Variants in NPAS2 observed in about 807,000 individuals in gnomAD.
NPAS2 encodes neuronal PAS domain-containing protein 2.
A neutral mutation model predicts 107.5 loss-of-function variants in NPAS2; 23 were observed. The ratio of observed to expected loss-of-function variants is 0.21; its 90% CI spans 0.15 to 0.30. NPAS2 has a LOEUF of 0.30. Among genes scored for constraint, NPAS2 ranks in the 10% least tolerant of loss-of-function variants. NPAS2 has a pLI of 1.00. For missense variants in NPAS2, 756 were observed against 1,043.3 expected (o/e 0.72, Z 3.79); for synonymous variants, 403 against 417.5 (o/e 0.97, Z 0.42).
intron 16 of NPAS2, chr2:100,982,711 T>C (rs1169889247): frequency 1.0e-5 from 3 of 291,744 alleles, no homozygotes; most frequent in Non-Finnish European, 1.9e-5. Flanking sequence ...AGTACCTCCC[T>C]GCACCTCTAT....
intron 15 of NPAS2, among the ~76,000 whole-genome samples, chr2:100,978,488 G>A (rs1461222959): frequency 3.9e-5 from 6 of 152,024 alleles, no homozygotes; most frequent in South Asian, 4.2e-4. Context: ...TCTAAAAGCC[G>A]TGAGTCCAGC....
intron 5 of NPAS2, among the ~76,000 whole-genome samples, chr2:100,942,887 G>A (rs939832268): frequency 1.3e-5 from 2 of 152,184 alleles, no homozygotes; most frequent in East Asian, 1.9e-4. Flanking sequence ...TTTGTGCTTC[G>A]CATCTGCCTC....
At chr2:100,891,244 AAAG>A (rs1032297329) in intron 1 of NPAS2, among the ~76,000 whole-genome samples, 4 of 151,904 alleles carry the variant, frequency 2.6e-5, no homozygotes, top group Non-Finnish European at 4.4e-5. Context: ...AAAAAAAAAA[AAAG>A]AAGTGAGGAT....
chr2:100,909,777 T>C (rs1656306), intron 2 of NPAS2, among the ~76,000 whole-genome samples: 130,117 of 151,630 alleles, frequency 0.86, 55,959 homozygotes, highest in East Asian at 1. Context: ...GCAGGCATTG[T>C]GAGAACGCAG....
At position 100,820,375 on chromosome 2, in the gene NPAS2, C is replaced by T. The variant is rs1000199911; in HGVS notation, c.-62C>T. ...GGGAGGCGCGTCTCCCCGGCCCAGT[C>T]CGCGCCCGGCCCCGCGGGGCCGCTC... On this transcript the variant is annotated 5_prime_UTR_variant, in exon 1 of 21. Transcript: ENST00000335681. The surrounding 1 kb of genome is among the most constrained non-coding windows in gnomAD (Gnocchi z 5.6). 1 of 149,332 alleles carries T rather than the reference C, an allele frequency of 6.7e-6. No homozygotes were observed. Among genetic ancestry groups the T allele is most frequent in the African/African-American group, 2.4e-5 (1 of 41,038 alleles). The allele number at this position is 149,332 out of a possible 1,614,324, so 9.3% of individuals were successfully genotyped here.
chr2:100,861,028 C>G (rs1678909433), intron 1 of NPAS2, among the ~76,000 whole-genome samples: 1 of 150,138 alleles, frequency 6.7e-6, no homozygotes, highest in East Asian at 1.9e-4. Flanking sequence ...ACCACCACCC[C>G]CAGCTAATTT....
At chr2:100,827,365 A>C (rs1558784215) in intron 1 of NPAS2, among the ~76,000 whole-genome samples, 1 of 152,284 alleles carries the variant, frequency 6.6e-6, no homozygotes, top group Non-Finnish European at 1.5e-5. Context: ...CTGAAAAGTA[A>C]ATTTGCTGTA....
At chr2:100,869,792 C>G (rs976877015) in intron 1 of NPAS2, among the ~76,000 whole-genome samples, 1 of 152,082 alleles carries the variant, frequency 6.6e-6, no homozygotes, top group African/African-American at 2.4e-5. Flanking sequence ...CACACAATAT[C>G]AAAAAGGCTT....
At chr2:100,897,247 G>A (rs1323163579) in intron 1 of NPAS2, among the ~76,000 whole-genome samples, 1 of 151,996 alleles carries the variant, frequency 6.6e-6, no homozygotes, top group Non-Finnish European at 1.5e-5. Context: ...GATTTCAGTG[G>A]GGACACAGCC....
chr2:100,925,390 C>A, intron 3 of NPAS2, 96 bp downstream of exon 3: 1 of 1,263,814 alleles, frequency 7.9e-7, no homozygotes. Context: ...TTTTGTCTCC[C>A]CAGCCAGGCC....
At position 100,917,764 on chromosome 2, in the gene NPAS2, G is replaced by C. The variant is rs78429068; in HGVS notation, c.33-7382G>C. On this transcript the variant is annotated intron_variant, in intron 2 of 20. Coordinates refer to ENST00000335681, the MANE Select transcript of NPAS2 (RefSeq NM_002518.4). ...ACTACCAAACTCACAAAAGATGAAC[G>C]AGAAAACCTAGAGTCCTATAACTAA... Among the ~76,000 whole-genome samples, 249 of 152,194 alleles carry C rather than the reference G, an allele frequency of 1.6e-3. 5 individuals carry two copies. The East Asian group carries it at 0.031, about 19-fold the overall frequency.
At chr2:100,929,361 A>G (rs1254406089) in intron 3 of NPAS2, among the ~76,000 whole-genome samples, 1 of 152,214 alleles carries the variant, frequency 6.6e-6, no homozygotes, top group Non-Finnish European at 1.5e-5. Flanking sequence ...CTGCTCCACA[A>G]GGGGTGATCT....
intron 14 of NPAS2, among the ~76,000 whole-genome samples, chr2:100,975,977 A>C (rs1261254109): frequency 6.6e-6 from 1 of 152,170 alleles, no homozygotes; most frequent in Non-Finnish European, 1.5e-5. Flanking sequence ...TAGCGTCCCC[A>C]ACATGTGCCA....
intron 1 of NPAS2, among the ~76,000 whole-genome samples, chr2:100,853,284 G>T (rs761339756): frequency 6.6e-6 from 1 of 152,124 alleles, no homozygotes; most frequent in Non-Finnish European, 1.5e-5. Flanking sequence ...AACGAATCTT[G>T]GTTCTGAAAA....
intron 14 of NPAS2, among the ~76,000 whole-genome samples, chr2:100,977,493 G>A (rs1237887382): frequency 1.3e-5 from 2 of 152,182 alleles, no homozygotes; most frequent in Admixed American, 1.3e-4. Context: ...CACTGTGGTG[G>A]GGTGGAAGCC....
In NPAS2 at chr2:100,925,158, C is replaced by T. The variant is rs1421526436; in HGVS notation, c.45C>T (p.Asn15=). 9.9e-6 allele frequency: 16 copies of T among 1,611,520 alleles called. No individual in the cohort carries two copies. The highest frequency in any genetic ancestry group is 2.2e-5 in the East Asian group (1 of 44,796). ...TTTGTGTTTACAGAGCTTCTCGAAA[C>T]AAGTCTGAGAAGAAGCGTCGGGACC... ...EKDRAKRASR[N]KSEKKRRDQF... The change falls in exon 3 of 21, where the codon AAC becomes AAT. Residue 15 remains asparagine, a synonymous_variant. Coordinates refer to ENST00000335681, the MANE Select transcript of NPAS2 (RefSeq NM_002518.4).
At chr2:100,952,474 G>T (rs1558904928) in intron 7 of NPAS2, among the ~76,000 whole-genome samples, 1 of 152,002 alleles carries the variant, frequency 6.6e-6, no homozygotes, top group Non-Finnish European at 1.5e-5. Context: ...TGAGGCAGGA[G>T]AATTACTTGA....
Position 100,993,395 on chromosome 2 carries a change from C to T in NPAS2, c.2160C>T (p.Ala720=). Residue 720 remains alanine, a synonymous_variant, in exon 20 of 21, where the codon GCC becomes GCT. Coordinates refer to ENST00000335681, the MANE Select transcript of NPAS2 (RefSeq NM_002518.4). ...TTCAAAATCCAGACGCACACCCCGCCAACAGCAGCAGCGCCCCGATGCCCG... is the reference window on the plus strand; with the variant it reads ...TTCAAAATCCAGACGCACACCCCGCTAACAGCAGCAGCGCCCCGATGCCCG... The part of the protein sequence containing the change: ...TVFQNPDAHP[A]NSSSAPMPVL... The T allele has an allele frequency of 6.2e-7, 1 of 1,610,928 alleles. No individual in the cohort carries two copies. The highest frequency in any genetic ancestry group is 8.5e-7 in the Non-Finnish European group (1 of 1,177,696).
chr2:100,844,038 C>T (rs1226890239), intron 1 of NPAS2, among the ~76,000 whole-genome samples: 9 of 152,184 alleles, frequency 5.9e-5, no homozygotes, highest in Admixed American at 2.6e-4. Context: ...CTGATAGGGC[C>T]GGGCTGCCCA....
Sources: gnomAD v4.1 joint callset for allele counts (sites outside exome capture counted in the v4.1 genomes callset) on GRCh38, gnomAD v4.1.1 for gene constraint, Gnocchi (gnomAD v3.1) non-coding constraint, MANE v1.5 for transcripts, NCBI Gene and HGNC (gene_info 2026-07-23, HGNC 2026-07-21) for gene names.